Variants in HSPBP1 observed in about 807,000 individuals in gnomAD.
The protein encoded by HSPBP1 is hsp70-binding protein 1.
In HSPBP1, 31 loss-of-function variants were observed where a neutral mutation model predicts 41.7. That is an observed-to-expected ratio of 0.74 (90% CI 0.56 to 1.00). The LOEUF is 1.00. Ranked by LOEUF, HSPBP1 falls within the 50% of genes least tolerant of loss-of-function variation. The probability of loss-of-function intolerance (pLI) is 0.00; values close to 1 mark genes in which losing one functional copy is unlikely to be tolerated. For synonymous variants in HSPBP1, 199 were observed against 214.4 expected (o/e 0.93, Z 0.63); for missense variants, 439 against 487.9 (o/e 0.90, Z 0.94).
At chr19:55,271,136 A>T (rs990107788) in intron 4 of HSPBP1, among the ~76,000 whole-genome samples, 1 of 152,168 alleles carries the variant, frequency 6.6e-6, no homozygotes, top group African/African-American at 2.4e-5. Context: ...AGGTTTGGGG[A>T]CAGGGACCAT....
chr19:55,273,836 A>C (rs968286367), intron 4 of HSPBP1, among the ~76,000 whole-genome samples: 1 of 152,104 alleles, frequency 6.6e-6, no homozygotes, highest in Non-Finnish European at 1.5e-5. Flanking sequence ...ACACTTTCAG[A>C]GGCCAAGGCG....
intron 3 of HSPBP1, among the ~76,000 whole-genome samples, chr19:55,275,020 G>A (rs2088034069): frequency 6.6e-6 from 1 of 152,180 alleles, no homozygotes; most frequent in Non-Finnish European, 1.5e-5. Flanking sequence ...CTTGGCTAAG[G>A]TGGCCCTAAG....
chr19:55,263,581 T>C (rs62126348), intron 7 of HSPBP1, among the ~76,000 whole-genome samples: 10,097 of 152,258 alleles, frequency 0.066, 404 homozygotes, highest in South Asian at 0.17. Flanking sequence ...ACAACCTGCA[T>C]ATCCATGCTA....
At chr19:55,262,805 A>G in intron 7 of HSPBP1, 123 bp from the exon 8 acceptor site, 1 of 814,126 alleles carries the variant, frequency 1.2e-6, no homozygotes, top group Non-Finnish European at 2.0e-6. Flanking sequence ...CCCCCCCACC[A>G]GAGGTTAGGC....
At chr19:55,274,268 G>T in intron 4 of HSPBP1, 130 bp downstream of exon 4, 1 of 886,618 alleles carries the variant, frequency 1.1e-6, no homozygotes, top group Non-Finnish European at 1.7e-6. Context: ...GCCGTGCAGG[G>T]GTCCAACAAG....
At chr19:55,273,524 C>G (rs2122859275) in intron 4 of HSPBP1, among the ~76,000 whole-genome samples, 1 of 152,268 alleles carries the variant, frequency 6.6e-6, no homozygotes, top group Admixed American at 6.5e-5. Flanking sequence ...ACAGTGGGCC[C>G]AACTTCAGCA....
At chr19:55,269,980 C>G (rs1422760242) in intron 4 of HSPBP1, among the ~76,000 whole-genome samples, 1 of 152,096 alleles carries the variant, frequency 6.6e-6, no homozygotes, top group Admixed American at 6.5e-5. Flanking sequence ...CCCCTCCTGT[C>G]CTGGGAAGGG....
rs918548804 is a variant in HSPBP1 at position 55,268,585 on chromosome 19, TAC to T, written c.641-2301_641-2300del. 6.6e-6 allele frequency among the ~76,000 whole-genome samples: 1 copy of T among 152,198 alleles called. No individual in the cohort carries two copies. The highest frequency in any genetic ancestry group is 2.4e-5 in the African/African-American group (1 of 41,442). On this transcript the variant is annotated intron_variant, in intron 4 of 7. Transcript: ENST00000433386. The surrounding 1 kb of genome is among the most constrained non-coding windows in gnomAD (Gnocchi z 4.5). ...TTTGAAGACTTAGCATGACAAAAAA[TAC>T]AGTGTCTCATTAATAGTCCATATTA...
At chr19:55,274,786 G>C (rs2088026077) in intron 3 of HSPBP1, among the ~76,000 whole-genome samples, 164 bp from the exon 4 acceptor site, 1 of 152,146 alleles carries the variant, frequency 6.6e-6, no homozygotes, top group Non-Finnish European at 1.5e-5. Context: ...TCCTTAGGGT[G>C]GGCCCTAATG....
chr19:55,272,384 A>G lies in HSPBP1; in HGVS notation c.640+2014T>C, dbSNP rs1325290720. Among the ~76,000 whole-genome samples, 2 of 152,190 alleles carry G rather than the reference A, an allele frequency of 1.3e-5. No individual in the cohort carries two copies. Among genetic ancestry groups the G allele is most frequent in the African/African-American group, 2.4e-5 (1 of 41,454 alleles). ...GCAGCATATGAAAGGAGCCAGGCAG[A>G]AAAGGCCTCACGGTGTGGGATTCCG... On this transcript the variant is annotated intron_variant, in intron 4 of 7. Coordinates refer to ENST00000433386, the MANE Select transcript of HSPBP1 (RefSeq NM_012267.5). The surrounding 1 kb of genome is among the most constrained non-coding windows in gnomAD (Gnocchi z 4.2).
intron 2 of HSPBP1, among the ~76,000 whole-genome samples, chr19:55,278,256 G>A (rs2088129553): frequency 6.6e-6 from 1 of 152,132 alleles, no homozygotes; most frequent in Non-Finnish European, 1.5e-5. Flanking sequence ...AAAGAAAAAG[G>A]AGATGAGAGC....
intron 1 of HSPBP1, 152 bp from the exon 2 acceptor site, chr19:55,279,854 A>C: frequency 1.2e-6 from 1 of 807,500 alleles, no homozygotes; most frequent in East Asian, 2.9e-5. Context: ...TCTCCCTAGC[A>C]ACAGGCCCCA....
At chr19:55,264,982 C>G (rs367821824) in intron 7 of HSPBP1, among the ~76,000 whole-genome samples, 2 of 151,562 alleles carry the variant, frequency 1.3e-5, no homozygotes. Flanking sequence ...CCCCCTCACA[C>G]CTGGTCCTCC....
At position 55,274,407 on chromosome 19, in the gene HSPBP1, C is replaced by G; in HGVS notation, c.631G>C (p.Ala211Pro). The G allele has an allele frequency of 2.3e-6, 3 of 1,280,826 alleles. No individual in the cohort carries two copies. Among genetic ancestry groups the G allele is most frequent in the Non-Finnish European group, 3.0e-6 (3 of 989,526 alleles). The allele number at this position is 1,280,826 out of a possible 1,614,324, so 79.3% of individuals were successfully genotyped here. A position where few individuals can be genotyped will look rare whatever the true frequency, so the allele number is the denominator to read the frequency against. ...CDTVRVKALF[A>P]ISCLVREQEA... ...CCACCCGGACACTCACAGGAGATGG[C>G]GAAGAGGGCCTTGACGCGCACCGTG... Residue 211 changes from alanine to proline, a missense_variant, in exon 4 of 8, where the codon GCC (alanine) becomes CCC (proline). Ala to Pro is a conservative substitution (Grantham distance 27). Transcript: ENST00000433386.
rs2087833104 is a variant in HSPBP1 at position 55,268,083 on chromosome 19, C to A, written c.641-1797G>T. On this transcript the variant is annotated intron_variant, in intron 4 of 7. Transcript: ENST00000433386. The surrounding 1 kb of genome is among the most constrained non-coding windows in gnomAD (Gnocchi z 4.5). ...AAGAGTTGTTCATTTCATTTAAGTT[C>A]CATTCATTTAAACTTAAGGTGAAAA... Among the ~76,000 whole-genome samples, 1 of 152,158 alleles carries A rather than the reference C, an allele frequency of 6.6e-6. No homozygotes were observed. Among genetic ancestry groups the A allele is most frequent in the South Asian group, 2.1e-4 (1 of 4,832 alleles).
In HSPBP1 at chr19:55,272,728, C is replaced by T. The variant is rs1464132884; in HGVS notation, c.640+1670G>A. Among the ~76,000 whole-genome samples, 2 of 151,906 alleles carry T rather than the reference C, an allele frequency of 1.3e-5. No homozygotes were observed. Among genetic ancestry groups the T allele is most frequent in the Non-Finnish European group, 2.9e-5 (2 of 68,010 alleles). On this transcript the variant is annotated intron_variant, in intron 4 of 7. Coordinates refer to ENST00000433386, the MANE Select transcript of HSPBP1 (RefSeq NM_012267.5). This position sits in a 1 kb window ranked among gnomAD's most constrained non-coding sequence, Gnocchi z 4.2. ...CGGTGGCGGGCGCCTGTAATCCCAG[C>T]TACTTGAGAGGCTGAGGCAGAACTG...
chr19:55,273,678 A>G (rs1440823205), intron 4 of HSPBP1, among the ~76,000 whole-genome samples: 2 of 152,104 alleles, frequency 1.3e-5, no homozygotes, highest in African/African-American at 2.4e-5. Flanking sequence ...GCTCTGCCCT[A>G]TGGAGCTGCA....
chr19:55,262,635 G>A lies in HSPBP1; in HGVS notation c.1053C>T (p.Ser351=), dbSNP rs2087674800. ...ACCGATCCATGCTGTCGTCCGCTGG[G>A]CTGGAGAAACAGGTCTGTAGCAGCT... The part of the protein sequence containing the change: ...CEKLLQTCFS[S]PADDSMDR Residue 351 remains serine (S), a synonymous_variant, in exon 8 of 8, where the codon AGC becomes AGT. Transcript: ENST00000433386. The A allele has an allele frequency of 2.5e-6, 4 of 1,613,790 alleles. No homozygotes were observed. The highest frequency in any genetic ancestry group is 1.3e-5 in the African/African-American group (1 of 74,918).
chr19:55,278,162 C>G (rs910629562), intron 2 of HSPBP1, among the ~76,000 whole-genome samples: 1 of 152,158 alleles, frequency 6.6e-6, no homozygotes, highest in African/African-American at 2.4e-5. Flanking sequence ...CAAAGGGAAT[C>G]GCTTGAACCT....
Sources: gnomAD v4.1 joint callset for allele counts (sites outside exome capture counted in the v4.1 genomes callset) on GRCh38, gnomAD v4.1.1 for gene constraint, Gnocchi (gnomAD v3.1) non-coding constraint, MANE v1.5 for transcripts, NCBI Gene and HGNC (gene_info 2026-07-23, HGNC 2026-07-21) for gene names.